The following CLIP1 variants were observed in gnomAD, a reference collection of about 807,000 sequenced individuals.
The protein encoded by CLIP1 is CAP-Gly domain-containing linker protein 1.
CLIP1 carries 66 observed loss-of-function variants against 161.6 expected under a neutral mutation model. The observed-to-expected ratio is 0.41, with a 90% CI of 0.33 to 0.50. CLIP1 has a LOEUF of 0.50. Ranked by LOEUF, CLIP1 falls within the 20% of genes least tolerant of loss-of-function variation. The pLI, the probability that CLIP1 is intolerant of heterozygous loss-of-function variation, is 0.27. For missense variants in CLIP1, 1,376 were observed against 1,702.0 expected (o/e 0.81, Z 3.37); for synonymous variants, 598 against 626.2 (o/e 0.96, Z 0.67).
At position 122,274,130 on chromosome 12, in the gene CLIP1, A is replaced by C; in HGVS notation, c.3999T>G (p.Leu1333=). The C allele has an allele frequency of 6.2e-7, 1 of 1,606,182 alleles. No homozygotes were observed. The highest frequency in any genetic ancestry group is 2.2e-5 in the East Asian group (1 of 44,842). Residue 1333 remains leucine, a synonymous_variant, in exon 25 of 26, where the codon CTT becomes CTG. Coordinates refer to ENST00000620786, the MANE Select transcript of CLIP1 (RefSeq NM_001247997.2). ...IDFLNSVIVD[L]QRKNQDLKMK... ...TCTTGAGGTCTTGATTCTTCCTTTG[A>C]AGGTCCACTATTACTGAATTTAGGA... is the stretch of plus-strand genomic sequence containing the variant.
chr12:122,305,430 C>G (rs1950828086), intron 20 of CLIP1, among the ~76,000 whole-genome samples: 1 of 152,152 alleles, frequency 6.6e-6, no homozygotes, highest in South Asian at 2.1e-4. Context: ...GACTCTGTCT[C>G]TTAAAAAAGA....
chr12:122,330,602 T>TTTTGTTTTTGTTTTTTG (rs1555265531), intron 15 of CLIP1, among the ~76,000 whole-genome samples: 7 of 138,274 alleles, frequency 5.1e-5, no homozygotes, highest in African/African-American at 2.0e-4. Flanking sequence ...ATGCAGTTTT[T>TTTTGTTTTTGTTTTTTG]TTTTTTTTTT....
At chr12:122,350,200 T>C (rs1256771624) in intron 9 of CLIP1, among the ~76,000 whole-genome samples, 2 of 152,174 alleles carry the variant, frequency 1.3e-5, no homozygotes, top group Non-Finnish European at 2.9e-5. Flanking sequence ...CCACAGTGCC[T>C]GGCCAAAAGT....
At chr12:122,292,308 TTATTTATTAA>T (rs1277048453) in intron 20 of CLIP1, among the ~76,000 whole-genome samples, 4 of 152,130 alleles carry the variant, frequency 2.6e-5, no homozygotes, top group Non-Finnish European at 5.9e-5. Flanking sequence ...TGGCTTCCAT[TTATTTATTAA>T]TACCTGTTTA....
rs758418613 is a variant in CLIP1 at position 122,333,153 on chromosome 12, T to C, written c.2711-10A>G. 1.9e-6 allele frequency: 3 copies of C among 1,599,230 alleles called. No homozygotes were observed. Among genetic ancestry groups the C allele is most frequent in the Admixed American group, 1.7e-5 (1 of 58,572 alleles). On this transcript the variant is annotated splice_polypyrimidine_tract_variant and intron_variant, in intron 14 of 25. Transcript: ENST00000620786. ...AATTTTGCCTCCATATCTAAATATA[T>C]AGAGAAAAAAAGAATAGCACGGCTG...
chr12:122,357,522 G>A (rs1274680415), intron 5 of CLIP1, among the ~76,000 whole-genome samples: 3 of 135,560 alleles, frequency 2.2e-5, no homozygotes, highest in South Asian at 2.6e-4. Context: ...GGGTCAGCCC[G>A]CCACCCGGCC....
intron 1 of CLIP1, among the ~76,000 whole-genome samples, chr12:122,385,194 G>A (rs1316892230): frequency 1.3e-5 from 2 of 152,056 alleles, no homozygotes; most frequent in Non-Finnish European, 2.9e-5. Flanking sequence ...GCCTCCTAAA[G>A]TGTTGGGGTT....
intron 1 of CLIP1, among the ~76,000 whole-genome samples, chr12:122,404,906 AAAAAAC>A (rs1956271914): frequency 6.7e-6 from 1 of 149,966 alleles, no homozygotes; most frequent in Admixed American, 6.6e-5. Flanking sequence ...TCTCAAAAAA[AAAAAAC>A]AAAACAAAAA....
At chr12:122,420,028 T>TA (rs1484949912) in intron 1 of CLIP1, among the ~76,000 whole-genome samples, 2 of 148,596 alleles carry the variant, frequency 1.3e-5, no homozygotes, top group Non-Finnish European at 1.5e-5. Context: ...AGCCACTAGG[T>TA]AAAAAAAATT....
chr12:122,333,978 G>A lies in CLIP1; in HGVS notation c.2710+49C>T, dbSNP rs369916254. The A allele has an allele frequency of 1.7e-4, 197 of 1,143,282 alleles. 2 individuals carry two copies. In the South Asian group the frequency reaches 1.9e-3, roughly 11 times the overall value. The allele number at this position is 1,143,282 out of a possible 1,614,324, so 70.8% of individuals were successfully genotyped here. A position where few individuals can be genotyped will look rare whatever the true frequency, so the allele number is the denominator to read the frequency against. ...AACATACTACAACTGTCTCGAATAC[G>A]GGAAAGCCTACTGTATTTAATGTTT... On this transcript the variant is annotated intron_variant, in intron 14 of 25. Coordinates refer to ENST00000620786, the MANE Select transcript of CLIP1 (RefSeq NM_001247997.2).
intron 5 of CLIP1, among the ~76,000 whole-genome samples, chr12:122,356,622 C>CTCTCCCTCTCCCTCTCCCCACGG (rs1302417195): frequency 6.6e-6 from 1 of 151,764 alleles, no homozygotes. Context: ...CCCTCTCCCT[C>CTCTCCCTCTCCCTCTCCCCACGG]TCTCCCTCTC....
intron 3 of CLIP1, among the ~76,000 whole-genome samples, chr12:122,373,961 A>T (rs1954585512): frequency 6.6e-6 from 1 of 152,232 alleles, no homozygotes; most frequent in African/African-American, 2.4e-5. Flanking sequence ...AATTATAGTT[A>T]TTTAAGGTTC....
At chr12:122,321,299 G>A (rs1004372819) in intron 17 of CLIP1, among the ~76,000 whole-genome samples, 4 of 150,720 alleles carry the variant, frequency 2.7e-5, no homozygotes, top group African/African-American at 4.9e-5. Flanking sequence ...AGGCTGGAGT[G>A]CAATGGCGCA....
chr12:122,414,956 G>T (rs1956679840), intron 1 of CLIP1, among the ~76,000 whole-genome samples: 1 of 152,052 alleles, frequency 6.6e-6, no homozygotes, highest in Non-Finnish European at 1.5e-5. Flanking sequence ...TACTCAGGAG[G>T]CTGAGGCATG....
At chr12:122,389,776 A>AAAAAAAAG in intron 1 of CLIP1, among the ~76,000 whole-genome samples, 1 of 146,904 alleles carries the variant, frequency 6.8e-6, no homozygotes, top group Non-Finnish European at 1.5e-5. Context: ...AAAAAAAAAA[A>AAAAAAAAG]AAAAAAAGAA....
At chr12:122,381,789 C>T (rs1172183607) in intron 1 of CLIP1, among the ~76,000 whole-genome samples, 1 of 152,112 alleles carries the variant, frequency 6.6e-6, no homozygotes, top group Non-Finnish European at 1.5e-5. Flanking sequence ...GGAACAGTGC[C>T]CTCCCCCAAA....
Position 122,336,649 on chromosome 12 carries a change from T to G in CLIP1, c.2551A>C (p.Lys851Gln). ...EVSQVKETLE[K>Q]ELQILKEKFA... ...GTACTTACCAAAATCTGAAGTTCTT[T>G]TTCCAAAGTCTCTTTCACTTGACTG... Residue 851 changes from lysine (K) to glutamine (Q), a missense_variant, in exon 12 of 26, where the codon AAA becomes CAA. Physicochemically the swap from Lys to Gln is moderately conservative, Grantham distance 53. Around this residue, in one of 6 missense-constraint regions of CLIP1, gnomAD observed 948 missense variants for 1,134.8 expected, o/e 0.84. Coordinates refer to ENST00000620786, the MANE Select transcript of CLIP1 (RefSeq NM_001247997.2). The G allele has an allele frequency of 6.2e-7, 1 of 1,601,744 alleles. No homozygotes were observed. Among genetic ancestry groups the G allele is most frequent in the Non-Finnish European group, 8.5e-7 (1 of 1,170,234 alleles).
At chr12:122,365,642 AAAAAT>A (rs1954109566) in intron 3 of CLIP1, 5 of 835,226 alleles carry the variant, frequency 6.0e-6, no homozygotes, top group Admixed American at 3.6e-5. Flanking sequence ...ATAGATGTTA[AAAAAT>A]AAAATAAAAT....
chr12:122,337,672 T>C (rs1179261335), intron 11 of CLIP1, among the ~76,000 whole-genome samples: 1 of 152,056 alleles, frequency 6.6e-6, no homozygotes, highest in Non-Finnish European at 1.5e-5. Flanking sequence ...GCAGAAGGTG[T>C]GGATGCTTAC....
Sources: gnomAD v4.1 joint callset for allele counts (sites outside exome capture counted in the v4.1 genomes callset) on GRCh38, gnomAD v4.1.1 for gene constraint, gnomAD v4.1.1 regional missense constraint, MANE v1.5 for transcripts, NCBI Gene and HGNC (gene_info 2026-07-23, HGNC 2026-07-21) for gene names.